DMD: variants seen among roughly 807,000 people sequenced by gnomAD.
DMD encodes dystrophin, also known as mutant dystrophin.
Under a neutral mutation model 330.1 loss-of-function variants are expected in DMD, and 63 were observed. The observed-to-expected ratio is 0.19, with a 90% CI of 0.16 to 0.24. DMD has a LOEUF of 0.24. DMD is among the 10% of genes least tolerant of loss of function. The probability of loss-of-function intolerance (pLI) is 1.00; values close to 1 mark genes in which losing one functional copy is unlikely to be tolerated. For synonymous variants in DMD, 1,223 were observed against 959.8 expected, an observed-to-expected ratio of 1.27 and a Z score of -5.07; for missense variants, 3,344 against 2,684.1, an observed-to-expected ratio of 1.25 and a Z score of -5.43.
intron 1 of DMD, among the ~76,000 whole-genome samples, chrX:33,277,887 C>T (rs1164262182): frequency 4.5e-5 from 5 of 110,904 alleles, no homozygotes; most frequent in Non-Finnish European, 7.6e-5. Context: ...GCGGGAGGAT[C>T]GCTGGAGACC....
intron 1 of DMD, among the ~76,000 whole-genome samples, chrX:33,167,877 G>C (rs996741212): frequency 2.7e-5 from 3 of 111,107 alleles, no homozygotes; most frequent in African/African-American, 9.8e-5. Flanking sequence ...TGTGTAAAGA[G>C]AGAATATTAT....
At chrX:33,066,141 G>A (rs1349972364) in intron 1 of DMD, among the ~76,000 whole-genome samples, 1 of 109,560 alleles carries the variant, frequency 9.1e-6, no homozygotes, top group African/African-American at 3.3e-5. Context: ...AGGAAGGGTG[G>A]AATAATGTCT....
intron 1 of DMD, among the ~76,000 whole-genome samples, chrX:33,184,541 T>C (rs769707596): frequency 1.2e-3 from 134 of 110,793 alleles, no homozygotes; most frequent in Non-Finnish European, 1.8e-3. Context: ...GCAATAATTA[T>C]CTTGAAAATG....
At chrX:31,579,793 T>G in intron 55 of DMD, among the ~76,000 whole-genome samples, 1 of 112,534 alleles carries the variant, frequency 8.9e-6, no homozygotes, top group East Asian at 2.8e-4. Flanking sequence ...TTCCATAAAC[T>G]TACTGGCCTA....
chrX:31,803,209 A>G (rs929766770), intron 50 of DMD, among the ~76,000 whole-genome samples: 1 of 111,784 alleles, frequency 8.9e-6, no homozygotes, highest in Non-Finnish European at 1.9e-5. Context: ...CCTTAGATAG[A>G]AAGTAGAAAA....
At chrX:33,316,062 G>T (rs2053928996) in intron 1 of DMD, among the ~76,000 whole-genome samples, 1 of 110,057 alleles carries the variant, frequency 9.1e-6, no homozygotes, top group Non-Finnish European at 1.9e-5. Flanking sequence ...ACAATTAAAA[G>T]CAAAAACCTG....
chrX:33,053,155 C>T (rs1194911531), intron 1 of DMD, among the ~76,000 whole-genome samples: 1 of 111,423 alleles, frequency 9.0e-6, no homozygotes, highest in Non-Finnish European at 1.9e-5. Context: ...TAATTACTCA[C>T]GTAATTACTT....
intron 1 of DMD, among the ~76,000 whole-genome samples, chrX:33,148,745 G>T (rs925873093): frequency 6.2e-5 from 7 of 112,082 alleles, no homozygotes; most frequent in Non-Finnish European, 1.1e-4. Flanking sequence ...TGAATCATTA[G>T]ATTAACCAAA....
chrX:32,341,667 A>C (rs1374830871), intron 41 of DMD, among the ~76,000 whole-genome samples: 1 of 111,850 alleles, frequency 8.9e-6, no homozygotes, highest in Admixed American at 9.6e-5. Context: ...ATGCAGGTTG[A>C]CATAAGATGT....
intron 21 of DMD, among the ~76,000 whole-genome samples, chrX:32,481,837 A>T (rs1287389677): frequency 8.9e-6 from 1 of 111,831 alleles, no homozygotes; most frequent in Non-Finnish European, 1.9e-5. Context: ...GATTTTCTCC[A>T]CCATGTATAT....
At chrX:32,080,532 A>G (rs1323419278) in intron 44 of DMD, among the ~76,000 whole-genome samples, 1 of 112,374 alleles carries the variant, frequency 8.9e-6, no homozygotes, top group East Asian at 2.8e-4. Flanking sequence ...TTTCCCCAGT[A>G]TTTGAATTGT....
intron 7 of DMD, among the ~76,000 whole-genome samples, chrX:32,749,764 C>T (rs1184085467): frequency 8.9e-6 from 1 of 111,841 alleles, no homozygotes; most frequent in Non-Finnish European, 1.9e-5. Context: ...GGCAGAACTA[C>T]GTAAAATTAT....
At chrX:32,040,989 G>A (rs1187610496) in intron 44 of DMD, among the ~76,000 whole-genome samples, 1 of 111,082 alleles carries the variant, frequency 9.0e-6, no homozygotes, top group African/African-American at 3.3e-5. Context: ...TGAACACTTG[G>A]GAACTGGGAT....
chrX:32,308,161 C>T (rs942935822), intron 42 of DMD, among the ~76,000 whole-genome samples: 3 of 110,542 alleles, frequency 2.7e-5, no homozygotes, highest in Non-Finnish European at 3.8e-5. Flanking sequence ...CAATTCAATA[C>T]ATCTATTGAA....
At chrX:32,424,305 C>T (rs746139752) in intron 29 of DMD, among the ~76,000 whole-genome samples, 12 of 110,320 alleles carry the variant, frequency 1.1e-4, no homozygotes, top group Non-Finnish European at 2.1e-4. Context: ...GAAAGAAAGC[C>T]CTGAATTCAA....
chrX:31,584,525 C>A (rs940520209), intron 55 of DMD, among the ~76,000 whole-genome samples: 3 of 111,723 alleles, frequency 2.7e-5, no homozygotes, highest in Non-Finnish European at 5.6e-5. Flanking sequence ...ATGTTCACTG[C>A]AGCACTATTC....
chrX:33,236,712 T>G (rs1487317717), intron 1 of DMD, among the ~76,000 whole-genome samples: 3 of 110,870 alleles, frequency 2.7e-5, no homozygotes, highest in Non-Finnish European at 5.7e-5. Flanking sequence ...TGCTTTATTT[T>G]GGAGGCCTTA....
intron 7 of DMD, among the ~76,000 whole-genome samples, chrX:32,765,959 T>TA (rs1296639650): frequency 9.0e-6 from 1 of 111,677 alleles, no homozygotes; most frequent in Non-Finnish European, 1.9e-5. Context: ...GTGGCTTCAT[T>TA]AAAAAATCAT....
intron 44 of DMD, among the ~76,000 whole-genome samples, chrX:32,096,997 T>C (rs1413983679): frequency 8.9e-6 from 1 of 111,908 alleles, no homozygotes; most frequent in Non-Finnish European, 1.9e-5. Context: ...TTCTTAAAGA[T>C]TCAAGGGTTC....
Sources: gnomAD v4.1 joint callset for allele counts (sites outside exome capture counted in the v4.1 genomes callset) on GRCh38, gnomAD v4.1.1 for gene constraint, MANE v1.5 for transcripts, NCBI Gene and HGNC (gene_info 2026-07-23, HGNC 2026-07-21) for gene names.